FHL1: variants seen among roughly 807,000 people sequenced by gnomAD.
FHL1 encodes the protein four and a half LIM domains 1.
In FHL1, 1 loss-of-function variant was observed where a neutral mutation model predicts 20.3. The observed-to-expected ratio is 0.05, with a 90% CI of 0.02 to 0.23. The LOEUF (loss-of-function observed/expected upper bound fraction) is 0.23, where lower values mean the gene tolerates loss of function less well. Ranked by LOEUF, FHL1 falls within the 10% of genes least tolerant of loss-of-function variation. FHL1 has a pLI of 1.00. For missense variants in FHL1, 177 were observed against 234.0 expected (o/e 0.76, Z 1.59); for synonymous variants, 82 against 88.9 (o/e 0.92, Z 0.44).
chrX:136,189,381 C>G (rs1193168308), intron 2 of FHL1, among the ~76,000 whole-genome samples: 1 of 111,849 alleles, frequency 8.9e-6, no homozygotes, highest in East Asian at 2.8e-4. Flanking sequence ...CTCTGAGTCC[C>G]TAGGACTTTG....
intron 2 of FHL1, among the ~76,000 whole-genome samples, chrX:136,171,035 G>C (rs1020451546): frequency 2.7e-5 from 3 of 111,617 alleles, no homozygotes; most frequent in African/African-American, 9.8e-5. Context: ...AAAAGCATAG[G>C]ACAAACTTTT....
At chrX:136,172,291 C>T (rs1052573638) in intron 2 of FHL1, among the ~76,000 whole-genome samples, 11 of 112,351 alleles carry the variant, frequency 9.8e-5, no homozygotes, top group Admixed American at 9.4e-4. Flanking sequence ...TTCATTCAGC[C>T]CTACTATGGG....
In FHL1 at chrX:136,197,186, T is replaced by G. The variant is rs1034141793; in HGVS notation, c.22+52T>G. ...ATTGAGCACAGTTTTGTTAGGGCAGTGAATCCGTCATTGGGCTAAAAGATG... is the reference window on the plus strand; with the variant it reads ...ATTGAGCACAGTTTTGTTAGGGCAGGGAATCCGTCATTGGGCTAAAAGATG... On this transcript the variant is annotated intron_variant, in intron 1 of 5. Coordinates refer to ENST00000370683, the MANE Select transcript of FHL1 (RefSeq NM_001159699.2). 10 of 1,077,503 alleles carry G rather than the reference T, an allele frequency of 9.3e-6. No individual in the cohort carries two copies. The Admixed American group carries it at 2.0e-4, about 22-fold the overall frequency. The allele number at this position is 1,077,503 out of a possible 1,213,427, so 88.8% of individuals were successfully genotyped here. A position where few individuals can be genotyped will look rare whatever the true frequency, so the allele number is the denominator to read the frequency against.
intron 1 of FHL1, among the ~76,000 whole-genome samples, chrX:136,157,014 CACAT>C (rs1299433289): frequency 9.5e-5 from 9 of 94,636 alleles, no homozygotes. Context: ...CACACACACA[CACAT>C]AGGCAGACCT....
chrX:136,179,193 C>T (rs1032650577), intron 2 of FHL1, among the ~76,000 whole-genome samples: 10 of 111,937 alleles, frequency 8.9e-5, no homozygotes, highest in African/African-American at 2.9e-4. Context: ...TAATTGTCAG[C>T]GTGCACAGGC....
chrX:136,197,239 T>A, intron 1 of FHL1, 105 bp downstream of exon 1: 1 of 746,233 alleles, frequency 1.3e-6, no homozygotes, highest in Non-Finnish European at 2.0e-6. Flanking sequence ...TTTAGTCTTG[T>A]CTGAATAGTA....
chrX:136,163,207 C>A (rs2072622418), intron 1 of FHL1, among the ~76,000 whole-genome samples: 1 of 112,266 alleles, frequency 8.9e-6, no homozygotes, highest in Non-Finnish European at 1.9e-5. Context: ...GTAGCAGGCA[C>A]CCAGGCATCA....
intron 1 of FHL1, among the ~76,000 whole-genome samples, chrX:136,203,132 T>C (rs915243171): frequency 8.9e-6 from 1 of 112,396 alleles, no homozygotes; most frequent in Admixed American, 9.4e-5. Flanking sequence ...GAATTTGACA[T>C]AGACATTGTT....
intron 2 of FHL1, among the ~76,000 whole-genome samples, chrX:136,173,866 T>C (rs1326507914): frequency 9.1e-6 from 1 of 110,235 alleles, no homozygotes; most frequent in Non-Finnish European, 1.9e-5. Flanking sequence ...CCCGGCTAAT[T>C]TTTTGTATTT....
At chrX:136,160,438 GT>G (rs908776242) in intron 1 of FHL1, among the ~76,000 whole-genome samples, 2 of 111,021 alleles carry the variant, frequency 1.8e-5, no homozygotes, top group African/African-American at 3.3e-5. Flanking sequence ...TTGTTTGTTT[GT>G]TTTTTTTGAA....
chrX:136,148,065 G>C (rs1250978256), intron 1 of FHL1: 1 of 93,742 alleles, frequency 1.1e-5, no homozygotes, highest in Non-Finnish European at 2.1e-5. Context: ...GCAGTGGGGG[G>C]TGGGGCGAGG....
chrX:136,207,537 C>T, intron 3 of FHL1: 1 of 430,188 alleles, frequency 2.3e-6, no homozygotes, highest in Non-Finnish European at 4.1e-6. Context: ...TAAGTGCACG[C>T]AGGGTATAGA....
chrX:136,210,633 G>A lies in FHL1; in HGVS notation c.*608G>A, dbSNP rs911416657. 5.2e-5 allele frequency: 20 copies of A among 388,332 alleles called. No individual in the cohort carries two copies. Among genetic ancestry groups the A allele is most frequent in the Admixed American group, 4.7e-4 (16 of 34,072 alleles). The allele number at this position is 388,332 out of a possible 1,213,427, so 32.0% of individuals were successfully genotyped here. ...TAAACTGACCTTTCCCCGTACTAACGTTTGGTTTCCCCGTGTGGCATGTTT... is the reference window on the plus strand; with the variant it reads ...TAAACTGACCTTTCCCCGTACTAACATTTGGTTTCCCCGTGTGGCATGTTT... On this transcript the variant is annotated 3_prime_UTR_variant, in exon 6 of 6. Coordinates refer to ENST00000370683, the MANE Select transcript of FHL1 (RefSeq NM_001159699.2).
chrX:136,204,974 C>T (rs1322829215), intron 1 of FHL1: 1 of 112,442 alleles, frequency 8.9e-6, no homozygotes, highest in Admixed American at 9.4e-5. Flanking sequence ...TATTTTCTCT[C>T]ATTCTTTCTC....
intron 2 of FHL1, among the ~76,000 whole-genome samples, chrX:136,185,852 C>G (rs2073273975): frequency 8.9e-6 from 1 of 111,906 alleles, no homozygotes; most frequent in Admixed American, 9.5e-5. Flanking sequence ...GTTTTAAGGT[C>G]AGACCTATGA....
intron 1 of FHL1, among the ~76,000 whole-genome samples, chrX:136,151,450 G>A (rs1328520447): frequency 2.7e-5 from 3 of 112,657 alleles, no homozygotes; most frequent in Non-Finnish European, 5.6e-5. Context: ...TGTGGTTCAC[G>A]CCTGTAATCC....
chrX:136,154,118 G>T (rs770670984), intron 1 of FHL1, among the ~76,000 whole-genome samples: 6 of 112,280 alleles, frequency 5.3e-5, no homozygotes, highest in Non-Finnish European at 9.4e-5. Context: ...TAACGTCAGA[G>T]TTCCAGCTTG....
At chrX:136,182,464 G>GT (rs767108487) in intron 2 of FHL1, among the ~76,000 whole-genome samples, 6 of 112,305 alleles carry the variant, frequency 5.3e-5, no homozygotes, top group Non-Finnish European at 9.4e-5. Context: ...GAGATGAAAG[G>GT]TTCTCGTGTA....
intron 2 of FHL1, among the ~76,000 whole-genome samples, chrX:136,184,946 G>T (rs1603259400): frequency 8.9e-6 from 1 of 111,879 alleles, no homozygotes; most frequent in African/African-American, 3.2e-5. Flanking sequence ...AACTTGGCTT[G>T]TAAGCAATTC....
Sources: allele counts gnomAD v4.1 joint callset (sites outside exome capture counted in the v4.1 genomes callset), GRCh38; gene constraint gnomAD v4.1.1; transcripts MANE v1.5; gene names NCBI Gene and HGNC (gene_info 2026-07-23, HGNC 2026-07-21).